The following RBM20 variants were observed in gnomAD, a reference collection of about 807,000 sequenced individuals.
RBM20 encodes the protein RNA-binding protein 20.
RBM20 carries 51 observed loss-of-function variants against 110.1 expected under a neutral mutation model. The ratio of observed to expected loss-of-function variants is 0.46; its 90% CI spans 0.37 to 0.59. The LOEUF is 0.59. Among genes scored for constraint, RBM20 ranks in the 20% least tolerant of loss-of-function variants. The pLI is 0.00. For missense variants in RBM20, 1,512 were observed against 1,574.9 expected (o/e 0.96, Z 0.68); for synonymous variants, 589 against 618.2 (o/e 0.95, Z 0.70).
intron 1 of RBM20, among the ~76,000 whole-genome samples, chr10:110,718,831 G>C (rs888049287): frequency 6.6e-6 from 1 of 151,884 alleles, no homozygotes; most frequent in Non-Finnish European, 1.5e-5. Flanking sequence ...GGCCAGGCTG[G>C]TCTTGACCTC....
At chr10:110,763,604 G>A (rs1012862892) in intron 1 of RBM20, among the ~76,000 whole-genome samples, 3 of 152,148 alleles carry the variant, frequency 2.0e-5, no homozygotes, top group Non-Finnish European at 2.9e-5. Flanking sequence ...AAGGATTACA[G>A]TGTGAGATTT....
chr10:110,733,786 C>T (rs554254295), intron 1 of RBM20, among the ~76,000 whole-genome samples: 56 of 152,310 alleles, frequency 3.7e-4, no homozygotes, highest in African/African-American at 1.2e-3. Context: ...CTTTCACTCT[C>T]GCTCTAAAGA....
Position 110,783,379 on chromosome 10 carries a change from ATG to A in RBM20, c.1292_1293del (p.Val431GlufsTer14). The stretch of plus-strand genomic sequence containing the variant: ...CTTCTGACCTAGGACTGGGAGCTGC[ATG>A]TGAAAGGGAAGCTGCACGCTCAGAA... On this transcript the variant is annotated frameshift_variant, in exon 3 of 14. Coordinates refer to ENST00000369519, the MANE Select transcript of RBM20 (RefSeq NM_001134363.3). LOFTEE classifies it high-confidence loss of function. 6.4e-7 allele frequency: 1 copy of A among 1,551,448 alleles called. No homozygotes were observed.
chr10:110,835,772 C>T (rs1278433307), intron 13 of RBM20, 96 bp from the exon 14 acceptor site: 1 of 1,268,270 alleles, frequency 7.9e-7, no homozygotes, highest in Non-Finnish European at 1.1e-6. Flanking sequence ...GCACAGATGC[C>T]AGGAGAGGGA....
intron 1 of RBM20, among the ~76,000 whole-genome samples, chr10:110,651,583 A>G (rs1210338753): frequency 6.6e-6 from 1 of 152,218 alleles, no homozygotes; most frequent in African/African-American, 2.4e-5. Flanking sequence ...ACACAGGCCA[A>G]CAGGAGTGTG....
chr10:110,767,106 G>A (rs1363423177), intron 1 of RBM20, among the ~76,000 whole-genome samples: 15 of 126,754 alleles, frequency 1.2e-4, no homozygotes, highest in Middle Eastern at 3.5e-3. Flanking sequence ...CCTCCCGGAC[G>A]GGGCGGCTGA....
At chr10:110,832,387 C>G (rs990634878) in intron 13 of RBM20, among the ~76,000 whole-genome samples, 2 of 152,118 alleles carry the variant, frequency 1.3e-5, no homozygotes, top group African/African-American at 4.8e-5. Flanking sequence ...CCGTTCTTAA[C>G]CAGGGACATG....
intron 5 of RBM20, among the ~76,000 whole-genome samples, chr10:110,787,447 CG>C (rs1263324709): frequency 2.0e-5 from 3 of 152,150 alleles, no homozygotes; most frequent in Non-Finnish European, 2.9e-5. Flanking sequence ...TGTGAAGAGT[CG>C]GGGGGAAACC....
In RBM20 at chr10:110,767,411, AC is replaced by A. The variant is rs1439604199; in HGVS notation, c.192-13389del. ...GGGCTGACCCCCACCTCCCTCCCGG[AC>A]GGGGTGGCTGCCGGGCAGAGACGCT... On this transcript the variant is annotated intron_variant, in intron 1 of 13. Transcript: ENST00000369519. Among the ~76,000 whole-genome samples the A allele has an allele frequency of 1.9e-4, 27 of 145,840 alleles. 1 individual carries two copies. The South Asian group carries it at 6.1e-3, about 33-fold the overall frequency.
chr10:110,775,174 C>T (rs1046637905), intron 1 of RBM20, among the ~76,000 whole-genome samples: 1 of 152,174 alleles, frequency 6.6e-6, no homozygotes, highest in Non-Finnish European at 1.5e-5. Context: ...TTTGGCCACA[C>T]CTTTATAGTG....
chr10:110,757,089 G>T (rs764076829), intron 1 of RBM20, among the ~76,000 whole-genome samples: 11 of 152,094 alleles, frequency 7.2e-5, no homozygotes, highest in Non-Finnish European at 1.6e-4. Context: ...CAAGCTATTG[G>T]GCTGTTAGCT....
intron 1 of RBM20, among the ~76,000 whole-genome samples, chr10:110,689,402 G>T (rs1380755418): frequency 6.6e-6 from 1 of 152,180 alleles, no homozygotes; most frequent in Non-Finnish European, 1.5e-5. Context: ...GCTAATGAGT[G>T]CTATGAGGAA....
chr10:110,673,006 T>C (rs1862284078), intron 1 of RBM20, among the ~76,000 whole-genome samples: 1 of 152,192 alleles, frequency 6.6e-6, no homozygotes, highest in South Asian at 2.1e-4. Flanking sequence ...TGCATAATAT[T>C]CTGTCATGCC....
At chr10:110,656,691 C>G (rs757991519) in intron 1 of RBM20, among the ~76,000 whole-genome samples, 1 of 152,182 alleles carries the variant, frequency 6.6e-6, no homozygotes, top group South Asian at 2.1e-4. Context: ...TTTGCCTATT[C>G]GGGAGATTTC....
In RBM20 at chr10:110,796,310, T is replaced by C. The variant is rs921836665; in HGVS notation, c.1528-1198T>C. On this transcript the variant is annotated intron_variant, in intron 5 of 13. Coordinates refer to ENST00000369519, the MANE Select transcript of RBM20 (RefSeq NM_001134363.3). ...TTTTTATTGCAAAAATTTTTAAACA[T>C]ACGGAACAGTAGAGACCAGTATAAT... Among the ~76,000 whole-genome samples, 3 of 152,254 alleles carry C rather than the reference T, an allele frequency of 2.0e-5. No homozygotes were observed. The East Asian group carries it at 5.8e-4, about 29-fold the overall frequency.
At chr10:110,771,891 G>T (rs956617194) in intron 1 of RBM20, among the ~76,000 whole-genome samples, 2 of 152,082 alleles carry the variant, frequency 1.3e-5, no homozygotes, top group Admixed American at 1.3e-4. Context: ...TTAGCAATTT[G>T]GTTTCTTAGA....
In RBM20 at chr10:110,805,344, G is replaced by A. The variant is rs75415529; in HGVS notation, c.1801-5039G>A. ...CAGGAGTCGGGTGAGTGATGATGTC[G>A]AGCCTAGAAAGCCTGGTAATGTTGA... On this transcript the variant is annotated intron_variant, in intron 7 of 13. Transcript: ENST00000369519. Among the ~76,000 whole-genome samples the A allele has an allele frequency of 2.7e-4, 41 of 152,252 alleles. 1 individual carries two copies. The East Asian group carries it at 7.1e-3, about 27-fold the overall frequency.
In RBM20 at chr10:110,784,854, A is replaced by C. The variant is rs1844400726; in HGVS notation, c.1492A>C (p.Ser498Arg). The C allele has an allele frequency of 6.4e-7, 1 of 1,550,774 alleles. No homozygotes were observed. The highest frequency in any genetic ancestry group is 8.7e-7 in the Non-Finnish European group (1 of 1,146,198). ...TCCAGCAAGGTCATTCACTCAGTCA[A>C]GCCCCACATTTCCTTTGGCTTCTGT... ...PIPARSFTQSSPTFPLASVGT... is the reference protein window; with the variant it reads ...PIPARSFTQSRPTFPLASVGT... Residue 498 changes from serine to arginine, a missense_variant, in exon 5 of 14, where the codon AGC becomes CGC. Ser to Arg is a moderately radical substitution (Grantham distance 110). Around this residue, in one of 3 missense-constraint regions of RBM20, gnomAD observed 1,149 missense variants for 1,169.4 expected, o/e 0.98. Coordinates refer to ENST00000369519, the MANE Select transcript of RBM20 (RefSeq NM_001134363.3).
chr10:110,782,451 G>A (rs569470163), intron 2 of RBM20, among the ~76,000 whole-genome samples: 1 of 152,278 alleles, frequency 6.6e-6, no homozygotes, highest in South Asian at 2.1e-4. Context: ...GTATATGATA[G>A]TATAATGTCC....
Sources: gnomAD v4.1 joint callset for allele counts (sites outside exome capture counted in the v4.1 genomes callset) on GRCh38, gnomAD v4.1.1 for gene constraint, gnomAD v4.1.1 regional missense constraint, MANE v1.5 for transcripts, NCBI Gene and HGNC (gene_info 2026-07-23, HGNC 2026-07-21) for gene names.